FAT3: variants seen among roughly 807,000 people sequenced by gnomAD.
The protein encoded by FAT3 is protocadherin Fat 3.
Under a neutral mutation model 310.2 loss-of-function variants are expected in FAT3, and 95 were observed. The observed-to-expected ratio is 0.31, with a 90% CI of 0.26 to 0.36. FAT3 has a LOEUF of 0.36. FAT3 is among the 10% of genes least tolerant of loss of function. The probability of loss-of-function intolerance (pLI) is 1.00; values close to 1 mark genes in which losing one functional copy is unlikely to be tolerated. For synonymous variants in FAT3, 2,314 were observed against 2,192.9 expected (o/e 1.06, Z -1.54); for missense variants, 5,408 against 5,715.6 (o/e 0.95, Z 1.74).
In FAT3 at chr11:92,397,547, C is replaced by G. The variant is rs1033985714; in HGVS notation, c.3292+42143C>G. On this transcript the variant is annotated intron_variant, in intron 2 of 27. Transcript: ENST00000525166. ...CTTATGCAAAGTGGATTGACTAAAA[C>G]CTTTTCCCCAAACACCTGCCAGACC... 2.6e-5 allele frequency among the ~76,000 whole-genome samples: 4 copies of G among 152,106 alleles called. 1 individual carries two copies. The highest frequency in any genetic ancestry group is 9.7e-5 in the African/African-American group (4 of 41,426).
intron 1 of FAT3, among the ~76,000 whole-genome samples, chr11:92,272,044 G>A (rs1023101844): frequency 6.6e-6 from 1 of 152,038 alleles, no homozygotes; most frequent in Non-Finnish European, 1.5e-5. Flanking sequence ...TCAAGCAGTC[G>A]TTGTCCTCCA....
chr11:92,276,284 A>G (rs1946268660), intron 1 of FAT3, among the ~76,000 whole-genome samples: 1 of 152,198 alleles, frequency 6.6e-6, no homozygotes, highest in Admixed American at 6.5e-5. Context: ...TAGAGCCAAA[A>G]GTGACACTGA....
intron 2 of FAT3, among the ~76,000 whole-genome samples, chr11:92,505,008 G>A (rs756661528): frequency 6.6e-6 from 1 of 152,060 alleles, no homozygotes; most frequent in African/African-American, 2.4e-5. Flanking sequence ...TGAGGGGTGG[G>A]GAGGTAGGTG....
At chr11:92,714,361 G>A (rs948022478) in intron 4 of FAT3, among the ~76,000 whole-genome samples, 2 of 152,090 alleles carry the variant, frequency 1.3e-5, no homozygotes, top group African/African-American at 4.8e-5. Context: ...CATTTTTGGA[G>A]CAAAGCCATT....
At chr11:92,708,045 A>G (rs984802576) in intron 4 of FAT3, among the ~76,000 whole-genome samples, 2 of 152,128 alleles carry the variant, frequency 1.3e-5, no homozygotes, top group East Asian at 3.9e-4. Flanking sequence ...GGAGCTACCA[A>G]CCTCATCTAT....
intron 1 of FAT3, among the ~76,000 whole-genome samples, chr11:92,255,610 T>C (rs1203257520): frequency 6.6e-6 from 1 of 152,140 alleles, no homozygotes; most frequent in African/African-American, 2.4e-5. Context: ...AAGAACATAT[T>C]GCTCTGAACT....
intron 3 of FAT3, among the ~76,000 whole-genome samples, chr11:92,655,621 C>G (rs1458265324): frequency 2.0e-5 from 3 of 152,046 alleles, no homozygotes; most frequent in African/African-American, 7.2e-5. Context: ...TGCTTGGTTC[C>G]CCTTGAGGTA....
intron 3 of FAT3, among the ~76,000 whole-genome samples, chr11:92,607,910 C>T (rs1420839236): frequency 6.6e-6 from 1 of 152,062 alleles, no homozygotes; most frequent in African/African-American, 2.4e-5. Flanking sequence ...TCCTTTGTCC[C>T]GATAAGACTT....
intron 2 of FAT3, among the ~76,000 whole-genome samples, chr11:92,445,039 A>T (rs926673541): frequency 6.6e-5 from 10 of 152,182 alleles, no homozygotes; most frequent in African/African-American, 2.4e-4. Flanking sequence ...GCTCAGGCAC[A>T]GGATATGAAG....
chr11:92,655,134 C>T (rs976083701), intron 3 of FAT3, among the ~76,000 whole-genome samples: 7 of 152,214 alleles, frequency 4.6e-5, no homozygotes, highest in African/African-American at 1.2e-4. Flanking sequence ...TCCCACTCAA[C>T]ACTATTCACC....
intron 2 of FAT3, among the ~76,000 whole-genome samples, chr11:92,358,050 G>A (rs1308491272): frequency 6.6e-6 from 1 of 151,498 alleles, no homozygotes; most frequent in Admixed American, 6.6e-5. Flanking sequence ...GTGCACGCCT[G>A]TAGTCACAGT....
Position 92,844,765 on chromosome 11 carries a change from C to T in FAT3, c.11365+33C>T, listed in dbSNP as rs1948645488. 7 of 1,473,568 alleles carry T rather than the reference C, an allele frequency of 4.8e-6. No homozygotes were observed. The South Asian group carries it at 9.8e-5, about 21-fold the overall frequency. 91.3% of individuals were successfully genotyped at this position (1,473,568 alleles called of 1,614,324 possible). ...CAGTTTTGAGTGTTCCCTCTCAACT[C>T]CTGAGATTGTAGGAGTAGAATGAGT... On this transcript the variant is annotated intron_variant, in intron 19 of 27. Coordinates refer to ENST00000525166, the MANE Select transcript of FAT3 (RefSeq NM_001367949.2).
rs370279311 is a variant in FAT3, at chr11:92,560,654, ACT to A, written c.3607+35709_3607+35710del. 1.0e-3 allele frequency among the ~76,000 whole-genome samples: 152 copies of A among 152,224 alleles called. 1 individual carries two copies. The highest frequency in any genetic ancestry group is 1.5e-3 in the Non-Finnish European group (100 of 68,022). ...TATTTAAAACAATAAAAAGAAAAAG[ACT>A]CTGTTTATGCTGTGTATGATCACAA... On this transcript the variant is annotated intron_variant, in intron 3 of 27. Coordinates refer to ENST00000525166, the MANE Select transcript of FAT3 (RefSeq NM_001367949.2).
At chr11:92,255,604 A>T (rs953006593) in intron 1 of FAT3, among the ~76,000 whole-genome samples, 2 of 152,112 alleles carry the variant, frequency 1.3e-5, no homozygotes, top group African/African-American at 4.8e-5. Flanking sequence ...GTACTTAAGA[A>T]CATATTGCTC....
chr11:92,704,467 C>G (rs1944205158), intron 4 of FAT3, among the ~76,000 whole-genome samples: 1 of 152,180 alleles, frequency 6.6e-6, no homozygotes. Flanking sequence ...ATCCTAACCT[C>G]CAGTAACTCA....
intron 22 of FAT3, among the ~76,000 whole-genome samples, chr11:92,872,641 G>A (rs781398181): frequency 9.9e-5 from 15 of 152,274 alleles, no homozygotes; most frequent in Non-Finnish European, 1.8e-4. Context: ...CATACTAGAA[G>A]GTGAGAATTT....
intron 1 of FAT3, among the ~76,000 whole-genome samples, chr11:92,312,715 A>G (rs978005636): frequency 8.5e-5 from 13 of 152,132 alleles, no homozygotes; most frequent in African/African-American, 3.1e-4. Context: ...CTTCTTGGAT[A>G]ATAATATGGG....
chr11:92,338,317 A>C (rs1200079100), intron 1 of FAT3, among the ~76,000 whole-genome samples: 1 of 152,088 alleles, frequency 6.6e-6, no homozygotes, highest in Non-Finnish European at 1.5e-5. Context: ...CTATCTACTT[A>C]CCTACATGGA....
intron 2 of FAT3, among the ~76,000 whole-genome samples, chr11:92,397,662 T>C (rs1378837809): frequency 1.3e-5 from 2 of 152,026 alleles, no homozygotes; most frequent in African/African-American, 4.8e-5. Flanking sequence ...ATTGTGCTGC[T>C]CTTTCCACTC....
Sources: allele counts gnomAD v4.1 joint callset (sites outside exome capture counted in the v4.1 genomes callset), GRCh38; gene constraint gnomAD v4.1.1; transcripts MANE v1.5; gene names NCBI Gene and HGNC (gene_info 2026-07-23, HGNC 2026-07-21).